AGAP1: variants seen among roughly 807,000 people sequenced by gnomAD.
The protein encoded by AGAP1 is arf-GAP with GTPase, ANK repeat and PH domain-containing protein 1.
AGAP1 carries 29 observed loss-of-function variants against 105.3 expected under a neutral mutation model. That is an observed-to-expected ratio of 0.28 (90% CI 0.21 to 0.38). The LOEUF (loss-of-function observed/expected upper bound fraction) is 0.38, where lower values mean the gene tolerates loss of function less well. Among genes scored for constraint, AGAP1 ranks in the 10% least tolerant of loss-of-function variants. The pLI is 1.00. For missense variants in AGAP1, 998 were observed against 1,165.1 expected (o/e 0.86, Z 2.09); for synonymous variants, 509 against 485.9 (o/e 1.05, Z -0.63).
At position 235,642,610 on chromosome 2, in the gene AGAP1, A is replaced by C. The variant is rs1026547971; in HGVS notation, c.164-66569A>C. Among the ~76,000 whole-genome samples the C allele has an allele frequency of 6.6e-6, 1 of 152,128 alleles. No individual in the cohort carries two copies. The highest frequency in any genetic ancestry group is 1.5e-5 in the Non-Finnish European group (1 of 68,030). Reference sequence around the variant, plus strand: ...CTGTCCAGAGGCAGACCCACCCTGGAAGGCAGGCCAGCCTCCGCTCTCCAC... The same window carrying C: ...CTGTCCAGAGGCAGACCCACCCTGGCAGGCAGGCCAGCCTCCGCTCTCCAC... On this transcript the variant is annotated intron_variant, in intron 1 of 17. Transcript: ENST00000304032. This position sits in a 1 kb window ranked among gnomAD's most constrained non-coding sequence, Gnocchi z 4.1.
In AGAP1 at chr2:235,635,894, C is replaced by T. The variant is rs1193517912; in HGVS notation, c.164-73285C>T. Among the ~76,000 whole-genome samples the T allele has an allele frequency of 6.6e-6, 1 of 151,826 alleles. No homozygotes were observed. The highest frequency in any genetic ancestry group is 2.4e-5 in the African/African-American group (1 of 41,300). ...CTTTGGGAGGCTGAGGCAGGTGGAT[C>T]TTGAGGTCAGGAGTTCAACACCAGC... On this transcript the variant is annotated intron_variant, in intron 1 of 17. Coordinates refer to ENST00000304032, the MANE Select transcript of AGAP1 (RefSeq NM_001037131.3). The surrounding 1 kb of genome is among the most constrained non-coding windows in gnomAD (Gnocchi z 5.3).
intron 1 of AGAP1, among the ~76,000 whole-genome samples, chr2:235,607,139 G>A (rs938042311): frequency 2.0e-5 from 3 of 152,050 alleles, no homozygotes; most frequent in Admixed American, 2.0e-4. Flanking sequence ...GATTCGTTAA[G>A]GGGCAGAAGT....
intron 13 of AGAP1, among the ~76,000 whole-genome samples, chr2:235,995,601 C>T (rs892154960): frequency 2.6e-5 from 4 of 152,182 alleles, no homozygotes; most frequent in South Asian, 2.1e-4. Context: ...TCACCGTGCA[C>T]GGCAGCCCCA....
intron 12 of AGAP1, among the ~76,000 whole-genome samples, chr2:235,966,291 G>A (rs1435760093): frequency 3.3e-5 from 5 of 149,960 alleles, no homozygotes; most frequent in South Asian, 4.3e-4. Flanking sequence ...TGTTCCTCTG[G>A]GGATGGAGAA....
At chr2:235,851,834 C>G (rs556806563) in intron 9 of AGAP1, among the ~76,000 whole-genome samples, 2 of 152,170 alleles carry the variant, frequency 1.3e-5, no homozygotes, top group Admixed American at 6.6e-5. Context: ...TGATGCACAC[C>G]TCGCACGTCT....
rs571372215 is a variant in AGAP1, at chr2:235,959,160, C to G, written c.1484-9302C>G. On this transcript the variant is annotated intron_variant, in intron 12 of 17. Transcript: ENST00000304032. This position sits in a 1 kb window ranked among gnomAD's most constrained non-coding sequence, Gnocchi z 7.3. ...TTAGCCTCTCCCCTCCCATACTTAACGCCGTCGACAGTAGTCGTCTGTCCC... is the reference window on the plus strand; with the variant it reads ...TTAGCCTCTCCCCTCCCATACTTAAGGCCGTCGACAGTAGTCGTCTGTCCC... 6.6e-6 allele frequency among the ~76,000 whole-genome samples: 1 copy of G among 152,182 alleles called. No homozygotes were observed. Among genetic ancestry groups the G allele is most frequent in the Admixed American group, 6.5e-5 (1 of 15,286 alleles).
At chr2:235,650,376 C>G (rs1046703821) in intron 1 of AGAP1, among the ~76,000 whole-genome samples, 2 of 152,052 alleles carry the variant, frequency 1.3e-5, no homozygotes, top group Non-Finnish European at 2.9e-5. Context: ...TTTGTTCATT[C>G]ATTTGTTTAT....
chr2:235,938,126 A>G (rs900018443), intron 12 of AGAP1, among the ~76,000 whole-genome samples: 3 of 152,182 alleles, frequency 2.0e-5, no homozygotes, highest in Admixed American at 2.0e-4. Context: ...TCCTGCTGCC[A>G]CCAGCGTAGA....
In AGAP1 at chr2:235,960,125, C is replaced by T. The variant is rs538403085; in HGVS notation, c.1484-8337C>T. 2.0e-5 allele frequency among the ~76,000 whole-genome samples: 3 copies of T among 152,262 alleles called. No individual in the cohort carries two copies. The South Asian group carries it at 6.2e-4, about 32-fold the overall frequency. On this transcript the variant is annotated intron_variant, in intron 12 of 17. Coordinates refer to ENST00000304032, the MANE Select transcript of AGAP1 (RefSeq NM_001037131.3). This position sits in a 1 kb window ranked among gnomAD's most constrained non-coding sequence, Gnocchi z 4.9. ...CCTCCAAATGGGGGCGGGGAGGGTG[C>T]TTGCGGACCCACCCTGGAGGACCTC...
rs1255996656 is a variant in AGAP1 at position 235,891,833 on chromosome 2, C to A, written c.1155+8384C>A. 6.6e-6 allele frequency among the ~76,000 whole-genome samples: 1 copy of A among 152,124 alleles called. No individual in the cohort carries two copies. The highest frequency in any genetic ancestry group is 1.5e-5 in the Non-Finnish European group (1 of 68,028). On this transcript the variant is annotated intron_variant, in intron 10 of 17. Coordinates refer to ENST00000304032, the MANE Select transcript of AGAP1 (RefSeq NM_001037131.3). The surrounding 1 kb of genome is among the most constrained non-coding windows in gnomAD (Gnocchi z 4.2). The stretch of plus-strand genomic sequence containing the variant: ...TCCCCTCCGGGCCATACCTGGCAGA[C>A]GTGCATGAACTGGTCAGACTTTTAA...
At chr2:235,749,186 C>T (rs1468773629) in intron 5 of AGAP1, among the ~76,000 whole-genome samples, 1 of 149,898 alleles carries the variant, frequency 6.7e-6, no homozygotes, top group African/African-American at 2.5e-5. Flanking sequence ...CCAGCCTGGG[C>T]GACACAGTGA....
chr2:235,634,170 C>A (rs188475799), intron 1 of AGAP1, among the ~76,000 whole-genome samples: 1 of 152,290 alleles, frequency 6.6e-6, no homozygotes, highest in Non-Finnish European at 1.5e-5. Flanking sequence ...TTGTCTGTCT[C>A]CTGAATTTCT....
At position 235,994,845 on chromosome 2, in the gene AGAP1, T is replaced by G. The variant is rs1219625858; in HGVS notation, c.1645+26222T>G. On this transcript the variant is annotated intron_variant, in intron 13 of 17. Coordinates refer to ENST00000304032, the MANE Select transcript of AGAP1 (RefSeq NM_001037131.3). This position sits in a 1 kb window ranked among gnomAD's most constrained non-coding sequence, Gnocchi z 4.4. ...ACTTTGGGAGGCCGAGGCGGGCGGA[T>G]CACGAGGTCAGGAGTTTGAGACCAG... Among the ~76,000 whole-genome samples, 3 of 150,420 alleles carry G rather than the reference T, an allele frequency of 2.0e-5. No individual in the cohort carries two copies. The highest frequency in any genetic ancestry group is 7.3e-5 in the African/African-American group (3 of 40,920).
In AGAP1 at chr2:235,663,181, C is replaced by T. The variant is rs761893113; in HGVS notation, c.164-45998C>T. ...AAAATTAGCTGGGCATGGTGGTGGG[C>T]GCCTGTGATCCCATCTACTTGGGAG... On this transcript the variant is annotated intron_variant, in intron 1 of 17. Transcript: ENST00000304032. This position sits in a 1 kb window ranked among gnomAD's most constrained non-coding sequence, Gnocchi z 5.4. Among the ~76,000 whole-genome samples the T allele has an allele frequency of 9.9e-5, 15 of 152,042 alleles. No homozygotes were observed. The highest frequency in any genetic ancestry group is 1.9e-4 in the East Asian group (1 of 5,176).
rs1946034589 is a variant in AGAP1, at chr2:235,608,823, G to C, written c.164-100356G>C. Reference sequence around the variant, plus strand: ...CTGTCAGAGGCCTGGGAGATCAGGGGACAAGGGTGAAATTCGAATAGATTG... The same window carrying C: ...CTGTCAGAGGCCTGGGAGATCAGGGCACAAGGGTGAAATTCGAATAGATTG... On this transcript the variant is annotated intron_variant, in intron 1 of 17. Transcript: ENST00000304032. The surrounding 1 kb of genome is among the most constrained non-coding windows in gnomAD (Gnocchi z 5.4). 6.6e-6 allele frequency among the ~76,000 whole-genome samples: 1 copy of C among 152,168 alleles called. No individual in the cohort carries two copies. The highest frequency in any genetic ancestry group is 2.1e-4 in the South Asian group (1 of 4,818).
At chr2:235,589,571 G>C (rs1011939333) in intron 1 of AGAP1, among the ~76,000 whole-genome samples, 4 of 152,078 alleles carry the variant, frequency 2.6e-5, no homozygotes, top group African/African-American at 9.7e-5. Context: ...TGTAACTCCT[G>C]GTTCTTCATG....
At chr2:235,942,997 A>G (rs989855040) in intron 12 of AGAP1, among the ~76,000 whole-genome samples, 28 of 152,328 alleles carry the variant, frequency 1.8e-4, no homozygotes, top group African/African-American at 6.7e-4. Context: ...AGAGGCACAT[A>G]TATTTGAAGA....
chr2:235,853,128 A>G (rs1364023155), intron 9 of AGAP1: 6 of 1,197,114 alleles, frequency 5.0e-6, no homozygotes, highest in Non-Finnish European at 6.2e-6. Flanking sequence ...TTAAAGAAAA[A>G]AACATTTACT....
chr2:236,120,346 C>G lies in AGAP1; in HGVS notation c.2269C>G (p.Arg757Gly). ...TAILLLAHGS[R>G]DEVNETCGEG... ...CATCCTGCTGCTGGCACACGGCTCC[C>G]GGGACGAGGTGAACGAGACCTGCGG... Residue 757 changes from arginine to glycine, a missense_variant, in exon 17 of 18, where the codon CGG becomes GGG. By Grantham distance (125) the Arg-to-Gly change is moderately radical. Around this residue, in one of 3 missense-constraint regions of AGAP1, gnomAD observed 235 missense variants for 270.7 expected, o/e 0.87. Coordinates refer to ENST00000304032, the MANE Select transcript of AGAP1 (RefSeq NM_001037131.3). This position sits in a 1 kb window ranked among gnomAD's most constrained non-coding sequence, Gnocchi z 6.0. The G allele has an allele frequency of 3.1e-6, 5 of 1,612,048 alleles. No homozygotes were observed. Among genetic ancestry groups the G allele is most frequent in the Non-Finnish European group, 4.2e-6 (5 of 1,179,722 alleles).
Sources: allele counts gnomAD v4.1 joint callset (sites outside exome capture counted in the v4.1 genomes callset), GRCh38; gene constraint gnomAD v4.1.1; regional missense constraint gnomAD v4.1.1; non-coding constraint Gnocchi (gnomAD v3.1); transcripts MANE v1.5; gene names NCBI Gene and HGNC (gene_info 2026-07-23, HGNC 2026-07-21).